Variants in RAD51AP1 observed in about 807,000 individuals in gnomAD.
RAD51AP1 encodes RAD51 associated protein 1, also known as RAD51-associated protein 1.
A neutral mutation model predicts 34.3 loss-of-function variants in RAD51AP1; 14 were observed. The observed-to-expected ratio is 0.41, with a 90% CI of 0.27 to 0.64. The LOEUF is 0.64. RAD51AP1 is among the 30% of genes least tolerant of loss of function. The pLI, the probability that RAD51AP1 is intolerant of heterozygous loss-of-function variation, is 0.33. For synonymous variants in RAD51AP1, 114 were observed against 129.8 expected (o/e 0.88, Z 0.83); for missense variants, 348 against 386.9 (o/e 0.90, Z 0.84).
intron 7 of RAD51AP1, 168 bp downstream of exon 7, chr12:4,553,315 A>G: frequency 2.0e-6 from 1 of 506,600 alleles, no homozygotes; most frequent in East Asian, 3.7e-5. Flanking sequence ...GCGGACAAGA[A>G]TGCTGACTCC....
At chr12:4,545,339 A>G (rs1309107260) in intron 3 of RAD51AP1, 2 of 368,536 alleles carry the variant, frequency 5.4e-6, no homozygotes, top group Non-Finnish European at 1.1e-5. Context: ...TTTCATTTGC[A>G]TGAAATGTCC....
At chr12:4,551,684 C>T (rs1338145081) in intron 6 of RAD51AP1, among the ~76,000 whole-genome samples, 1 of 151,956 alleles carries the variant, frequency 6.6e-6, no homozygotes, top group African/African-American at 2.4e-5. Context: ...GAAGATGATA[C>T]CAAGAAACTA....
intron 3 of RAD51AP1, 77 bp from the exon 4 acceptor site, chr12:4,546,232 G>A: frequency 4.6e-6 from 5 of 1,079,368 alleles, no homozygotes; most frequent in Non-Finnish European, 6.8e-6. Flanking sequence ...ATAGTAATTT[G>A]GAGAAATCTC....
In RAD51AP1 at chr12:4,553,032, CGAA is replaced by C. The variant is rs376678644; in HGVS notation, c.609_611del (p.Glu203del). ...ATTTTTGTGAGAGTGAGGATAATGA[CGAA>C]GACTTCTCTATGAGAAAAAGTAAAG... is the stretch of plus-strand genomic sequence containing the variant. On this transcript the variant is annotated inframe_deletion, in exon 7 of 9. Transcript: ENST00000352618. 362 of 1,603,338 alleles carry C rather than the reference CGAA, an allele frequency of 2.3e-4. 3 individuals carry two copies. In the African/African-American group the frequency reaches 4.4e-3, roughly 19 times the overall value.
chr12:4,555,452 G>A (rs1464420460), intron 7 of RAD51AP1, among the ~76,000 whole-genome samples: 1 of 152,078 alleles, frequency 6.6e-6, no homozygotes, highest in Non-Finnish European at 1.5e-5. Flanking sequence ...ACTACCACCA[G>A]AAAGATGTTT....
chr12:4,543,941 G>T, intron 3 of RAD51AP1, 37 bp downstream of exon 3: 1 of 1,521,442 alleles, frequency 6.6e-7, no homozygotes, highest in Non-Finnish European at 8.9e-7. Context: ...TATGACATTA[G>T]ATGTGTTAAT....
chr12:4,556,183 C>T (rs1209534340), intron 7 of RAD51AP1, among the ~76,000 whole-genome samples, 170 bp from the exon 8 acceptor site: 1 of 152,146 alleles, frequency 6.6e-6, no homozygotes, highest in Non-Finnish European at 1.5e-5. Context: ...CACTGCCTGG[C>T]ATATTAATGC....
At chr12:4,541,136 T>C (rs929932674) in intron 1 of RAD51AP1, among the ~76,000 whole-genome samples, 3 of 152,200 alleles carry the variant, frequency 2.0e-5, no homozygotes, top group Non-Finnish European at 2.9e-5. Flanking sequence ...TTTGAAACTT[T>C]TGCAGTACCT....
intron 4 of RAD51AP1, among the ~76,000 whole-genome samples, 155 bp from the exon 5 acceptor site, chr12:4,547,937 C>T (rs1183810421): frequency 6.6e-6 from 1 of 152,148 alleles, no homozygotes; most frequent in Non-Finnish European, 1.5e-5. Context: ...GACTTCTAAC[C>T]ATATGTTAAC....
chr12:4,547,964 A>T, intron 4 of RAD51AP1, 128 bp from the exon 5 acceptor site: 2 of 950,632 alleles, frequency 2.1e-6, no homozygotes, highest in Non-Finnish European at 3.0e-6. Flanking sequence ...GAATAAAATT[A>T]TTGTGCCAGT....
rs886254653 is a variant in RAD51AP1, at chr12:4,546,519, T to C, written c.319+101T>C. On this transcript the variant is annotated intron_variant, in intron 4 of 8. Transcript: ENST00000352618. ...ACAGAGGAAACAGGTAAAATGTGAA[T>C]ACTTTGCACTATAAATAGACCCATT... 9.0e-5 allele frequency: 66 copies of C among 735,398 alleles called. No homozygotes were observed. In the Admixed American group the frequency reaches 1.6e-3, roughly 18 times the overall value. 45.6% of individuals were successfully genotyped at this position (735,398 alleles called of 1,614,324 possible). A position where few individuals can be genotyped will look rare whatever the true frequency, so the allele number is the denominator to read the frequency against.
intron 6 of RAD51AP1, among the ~76,000 whole-genome samples, chr12:4,552,733 C>T (rs141027024): frequency 9.8e-4 from 149 of 152,282 alleles, no homozygotes; most frequent in South Asian, 2.5e-3. Context: ...ATTTAATCCA[C>T]GCAACAACCC....
chr12:4,557,945 A>T (rs999607665), intron 8 of RAD51AP1, among the ~76,000 whole-genome samples: 8 of 152,156 alleles, frequency 5.3e-5, no homozygotes, highest in Non-Finnish European at 1.0e-4. Flanking sequence ...CCAGATTTTA[A>T]TATGAAATCT....
At chr12:4,539,878 A>G (rs958985784) in intron 1 of RAD51AP1, among the ~76,000 whole-genome samples, 3 of 152,156 alleles carry the variant, frequency 2.0e-5, no homozygotes, top group Non-Finnish European at 4.4e-5. Flanking sequence ...AAGTCAGTGG[A>G]GGGTTTTAAG....
At chr12:4,551,494 C>CAAAAAAAAAA (rs1180432401) in intron 6 of RAD51AP1, among the ~76,000 whole-genome samples, 6 of 79,350 alleles carry the variant, frequency 7.6e-5, no homozygotes, top group African/African-American at 1.4e-4. Flanking sequence ...GGCTCCATCT[C>CAAAAAAAAAA]AAAAAAAAAA....
At chr12:4,542,396 G>A (rs1466575199) in intron 2 of RAD51AP1, among the ~76,000 whole-genome samples, 1 of 152,180 alleles carries the variant, frequency 6.6e-6, no homozygotes, top group East Asian at 1.9e-4. Flanking sequence ...GAGGAACATT[G>A]CATTAGATTA....
At chr12:4,557,582 A>C (rs1457093310) in intron 8 of RAD51AP1, among the ~76,000 whole-genome samples, 1 of 152,238 alleles carries the variant, frequency 6.6e-6, no homozygotes, top group Non-Finnish European at 1.5e-5. Flanking sequence ...TATTTCTAAA[A>C]ATAATTAATG....
intron 6 of RAD51AP1, among the ~76,000 whole-genome samples, chr12:4,551,747 T>C (rs1032114372): frequency 6.6e-6 from 1 of 152,212 alleles, no homozygotes; most frequent in Admixed American, 6.5e-5. Flanking sequence ...AAAATGCTTA[T>C]GTTTTTTAGA....
At chr12:4,546,166 A>G in intron 3 of RAD51AP1, 143 bp from the exon 4 acceptor site, 1 of 624,760 alleles carries the variant, frequency 1.6e-6, no homozygotes, top group South Asian at 2.1e-5. Context: ...CTTATCATCA[A>G]AGGTCTATTA....
Sources: gnomAD v4.1 joint callset for allele counts (sites outside exome capture counted in the v4.1 genomes callset) on GRCh38, gnomAD v4.1.1 for gene constraint, MANE v1.5 for transcripts, NCBI Gene and HGNC (gene_info 2026-07-23, HGNC 2026-07-21) for gene names.